The following TAB2 variants were observed in gnomAD, a reference collection of about 807,000 sequenced individuals.
TAB2 encodes TGF-beta-activated kinase 1 and MAP3K7-binding protein 2.
A neutral mutation model predicts 65.0 loss-of-function variants in TAB2; 3 were observed. The ratio of observed to expected loss-of-function variants is 0.05; its 90% CI spans 0.02 to 0.12. The LOEUF (loss-of-function observed/expected upper bound fraction) is 0.12, where lower values mean the gene tolerates loss of function less well. Among genes scored for constraint, TAB2 ranks in the 10% least tolerant of loss-of-function variants. The pLI is 1.00. For synonymous variants in TAB2, 298 were observed against 285.1 expected (o/e 1.05, Z -0.46); for missense variants, 623 against 840.3 (o/e 0.74, Z 3.20).
intron 1 of TAB2, among the ~76,000 whole-genome samples, chr6:149,328,500 G>A (rs1157949532): frequency 6.6e-6 from 1 of 152,166 alleles, no homozygotes. Flanking sequence ...CACCGTGTTA[G>A]CCAGGATGGT....
intron 1 of TAB2, among the ~76,000 whole-genome samples, chr6:149,305,116 A>G (rs1779039007): frequency 1.3e-5 from 2 of 152,100 alleles, no homozygotes; most frequent in African/African-American, 4.8e-5. Context: ...AATTGGTTGG[A>G]TCTGTGGATG....
Position 149,307,093 on chromosome 6 carries a change from G to C in TAB2, c.-120-70925G>C, listed in dbSNP as rs533055721. 5.1e-4 allele frequency among the ~76,000 whole-genome samples: 78 copies of C among 152,226 alleles called. 1 individual carries two copies. The highest frequency in any genetic ancestry group is 1.8e-3 in the African/African-American group (76 of 41,548). ...CTCCAGCCCCAAGATCTGGGGCTGA[G>C]ACATCCTTGTTGTCTGTTCATGGAT... On this transcript the variant is annotated intron_variant, in intron 1 of 1. Transcript: ENST00000606202.
chr6:149,218,777 G>T lies in TAB2; in HGVS notation c.-121+1G>T. 2 of 456,032 alleles carry T rather than the reference G, an allele frequency of 4.4e-6. No homozygotes were observed. The highest frequency in any genetic ancestry group is 8.8e-6 in the Non-Finnish European group (2 of 226,782). The allele number at this position is 456,032 out of a possible 1,614,324, so 28.2% of individuals were successfully genotyped here. A position where few individuals can be genotyped will look rare whatever the true frequency, so the allele number is the denominator to read the frequency against. On this transcript the variant is annotated splice_donor_variant, in intron 1 of 1. Coordinates refer to the TAB2 transcript ENST00000606202. LOFTEE classifies it low-confidence loss of function (5UTR_SPLICE). ...CAAAGCAAACCAACTGAGAATGCAG[G>T]TAAGGCAGGAAACAGTCATTGTTTC...
chr6:149,397,436 T>G (rs572505758), intron 3 of TAB2, among the ~76,000 whole-genome samples, 168 bp from the exon 4 acceptor site: 1 of 150,850 alleles, frequency 6.6e-6, no homozygotes, highest in Admixed American at 6.6e-5. Context: ...AGTAAAACTC[T>G]GTGTCAAAAA....
chr6:149,301,243 C>T (rs1202638269), intron 1 of TAB2, among the ~76,000 whole-genome samples: 1 of 152,162 alleles, frequency 6.6e-6, no homozygotes, highest in African/African-American at 2.4e-5. Context: ...CAGCAGTTAC[C>T]AAATTTAGCC....
chr6:149,379,577 G>A lies in TAB2; in HGVS notation c.1603+59G>A, dbSNP rs1275838280. On this transcript the variant is annotated intron_variant, in intron 3 of 6. Coordinates refer to ENST00000637181, the MANE Select transcript of TAB2 (RefSeq NM_001292034.3). ...ATGCTGGGCTTGTTGGTGTGCATTT[G>A]ATTTCACAACAGAAATGGATGTTAG... 2.0e-6 allele frequency: 3 copies of A among 1,517,596 alleles called. No homozygotes were observed. The African/African-American group carries it at 4.1e-5, about 21-fold the overall frequency. The allele number at this position is 1,517,596 out of a possible 1,614,324, so 94.0% of individuals were successfully genotyped here. A position where few individuals can be genotyped will look rare whatever the true frequency, so the allele number is the denominator to read the frequency against.
intron 3 of TAB2, among the ~76,000 whole-genome samples, chr6:149,385,510 T>C (rs1781761873): frequency 6.6e-6 from 1 of 152,204 alleles, no homozygotes; most frequent in Admixed American, 6.5e-5. Context: ...ATAACAATAA[T>C]AAACTCAGCA....
At chr6:149,403,337 TATACACACAC>T (rs1489964816) in intron 6 of TAB2, among the ~76,000 whole-genome samples, 11,930 of 51,308 alleles carry the variant, frequency 0.23, 1,169 homozygotes, top group East Asian at 0.45. Context: ...TATACATATA[TATACACACAC>T]ACACACACAC....
At chr6:149,392,963 T>C (rs1343463027) in intron 3 of TAB2, among the ~76,000 whole-genome samples, 1 of 152,142 alleles carries the variant, frequency 6.6e-6, no homozygotes, top group East Asian at 1.9e-4. Flanking sequence ...GAGAAGAGTT[T>C]CGACTTTAGC....
chr6:149,377,970 C>T, intron 2 of TAB2, 48 bp from the exon 3 acceptor site: 1 of 1,424,896 alleles, frequency 7.0e-7, no homozygotes, highest in South Asian at 1.2e-5. Flanking sequence ...CAAATATAAG[C>T]ATTCGCTTCT....
At chr6:149,315,329 C>G (rs757477791), upstream of TAB2, among the ~76,000 whole-genome samples, 1 of 152,114 alleles carries the variant, frequency 6.6e-6, no homozygotes, top group African/African-American at 2.4e-5. Flanking sequence ...GATTCACCAC[C>G]AAGGTTTAAA....
chr6:149,332,662 G>C (rs113944060), intron 1 of TAB2, among the ~76,000 whole-genome samples: 1,789 of 152,216 alleles, frequency 0.012, 32 homozygotes, highest in African/African-American at 0.041. Context: ...TTAAGTGCCC[G>C]AATGACTTTC....
chr6:149,248,447 G>GGAAGGAAGGAAGGAAGGAAA (rs1777780922), intron 1 of TAB2, among the ~76,000 whole-genome samples: 2 of 141,856 alleles, frequency 1.4e-5, no homozygotes, highest in Admixed American at 7.2e-5. Context: ...AAGGAAGGAA[G>GGAAGGAAGGAAGGAAGGAAA]GAAGAAAAGA....
At chr6:149,322,792 A>G (rs1779497195) in intron 1 of TAB2, among the ~76,000 whole-genome samples, 1 of 152,192 alleles carries the variant, frequency 6.6e-6, no homozygotes, top group Admixed American at 6.5e-5. Flanking sequence ...TAGTAACTAT[A>G]GAGTAAATGT....
At chr6:149,227,080 G>A (rs1777295637) in intron 1 of TAB2, among the ~76,000 whole-genome samples, 1 of 152,190 alleles carries the variant, frequency 6.6e-6, no homozygotes, top group Non-Finnish European at 1.5e-5. Context: ...GTGAAACAGT[G>A]TAGGTATAGT....
At chr6:149,268,165 A>G (rs1162972367) in intron 1 of TAB2, among the ~76,000 whole-genome samples, 1 of 152,210 alleles carries the variant, frequency 6.6e-6, no homozygotes, top group Non-Finnish European at 1.5e-5. Context: ...AGACGTCATC[A>G]GTTCAAGGGC....
intron 1 of TAB2, among the ~76,000 whole-genome samples, chr6:149,312,244 A>T (rs1049553777): frequency 2.0e-5 from 3 of 152,252 alleles, no homozygotes; most frequent in Non-Finnish European, 4.4e-5. Flanking sequence ...ACATAAGAGC[A>T]TGCGCACATA....
At chr6:149,264,092 G>A (rs915837355) in intron 1 of TAB2, among the ~76,000 whole-genome samples, 2 of 152,202 alleles carry the variant, frequency 1.3e-5, no homozygotes, top group African/African-American at 4.8e-5. Context: ...GGTTGTGTTG[G>A]CCCGAGGACC....
chr6:149,224,725 G>A lies in TAB2; in HGVS notation c.-121+5949G>A, dbSNP rs1022827849. The stretch of plus-strand genomic sequence containing the variant: ...ACAGGAAGAAACCAGTCCTAAAATG[G>A]CATGTAAGAATATACTTTGCTTTCC... On this transcript the variant is annotated intron_variant, in intron 1 of 1. Coordinates refer to the TAB2 transcript ENST00000606202. Among the ~76,000 whole-genome samples the A allele has an allele frequency of 3.9e-5, 6 of 152,184 alleles. No individual in the cohort carries two copies. The East Asian group carries it at 9.6e-4, about 24-fold the overall frequency.
Sources: allele counts gnomAD v4.1 joint callset (sites outside exome capture counted in the v4.1 genomes callset), GRCh38; gene constraint gnomAD v4.1.1; transcripts MANE v1.5; gene names NCBI Gene and HGNC (gene_info 2026-07-23, HGNC 2026-07-21).